NCKAP5: variants seen among roughly 807,000 people sequenced by gnomAD.
The protein encoded by NCKAP5 is nck-associated protein 5.
A neutral mutation model predicts 167.0 loss-of-function variants in NCKAP5; 92 were observed. The observed-to-expected ratio is 0.55, with a 90% CI of 0.47 to 0.66. The LOEUF is 0.66. Among genes scored for constraint, NCKAP5 ranks in the 30% least tolerant of loss-of-function variants. NCKAP5 has a pLI of 0.00. For missense variants in NCKAP5, 2,378 were observed against 2,315.0 expected (o/e 1.03, Z -0.56); for synonymous variants, 891 against 877.4 (o/e 1.02, Z -0.27).
chr2:132,699,770 A>T (rs2105228049), intron 19 of NCKAP5, among the ~76,000 whole-genome samples: 1 of 152,312 alleles, frequency 6.6e-6, no homozygotes, highest in East Asian at 1.9e-4. Context: ...TGCTATTGTG[A>T]ATAGTGTCGC....
chr2:132,956,946 C>G (rs1558987880), intron 8 of NCKAP5, among the ~76,000 whole-genome samples: 2 of 152,124 alleles, frequency 1.3e-5, no homozygotes, highest in Non-Finnish European at 2.9e-5. Context: ...TGCCAGACCT[C>G]GAAAAATGGG....
intron 19 of NCKAP5, among the ~76,000 whole-genome samples, chr2:132,697,399 T>C (rs1687444306): frequency 6.6e-6 from 1 of 152,250 alleles, no homozygotes; most frequent in Admixed American, 6.5e-5. Context: ...ATCATCTTTG[T>C]CATTCTTCAC....
chr2:133,274,472 A>C (rs2089648189), intron 4 of NCKAP5, among the ~76,000 whole-genome samples: 1 of 152,044 alleles, frequency 6.6e-6, no homozygotes, highest in Admixed American at 6.6e-5. Context: ...TTATCAACCA[A>C]AATCTCAGCA....
chr2:133,646,068 ATG>A, the NCKAP5 span, among the ~76,000 whole-genome samples: 16 of 151,866 alleles, frequency 1.1e-4, no homozygotes, highest in African/African-American at 3.6e-4. Flanking sequence ...GTGTCTATGT[ATG>A]TGTGTGTGTC....
At chr2:132,903,632 T>G (rs1231526139) in intron 8 of NCKAP5, among the ~76,000 whole-genome samples, 1 of 152,204 alleles carries the variant, frequency 6.6e-6, no homozygotes, top group Non-Finnish European at 1.5e-5. Context: ...ACATCTATTA[T>G]TTTCATGTCA....
intron 2 of NCKAP5, among the ~76,000 whole-genome samples, chr2:133,531,922 G>C (rs1047361490): frequency 6.6e-5 from 10 of 152,166 alleles, no homozygotes; most frequent in Non-Finnish European, 1.3e-4. Context: ...TGTAGATGTA[G>C]TTGTAGCCCC....
chr2:133,598,092 T>C, the NCKAP5 span, among the ~76,000 whole-genome samples: 3 of 152,204 alleles, frequency 2.0e-5, no homozygotes, highest in East Asian at 5.8e-4. Context: ...TACATGCTGG[T>C]TATCCTCAAG....
the NCKAP5 span, among the ~76,000 whole-genome samples, chr2:133,575,705 G>A: frequency 1.1e-4 from 17 of 152,262 alleles, no homozygotes; most frequent in South Asian, 2.5e-3. Flanking sequence ...CCTGGGTAAC[G>A]TCCTACAGCC....
rs768140879 is a variant in NCKAP5 at position 132,994,245 on chromosome 2, A to G, written c.342-6T>C. 1.9e-6 allele frequency: 3 copies of G among 1,557,212 alleles called. No homozygotes were observed. The highest frequency in any genetic ancestry group is 4.6e-5 in the East Asian group (2 of 43,384). ...TTCGTACTGTTTCTTCCATCCTGAG[A>G]AACAAAAATATTAAGAATTTCTTAA... On this transcript the variant is annotated splice_region_variant and splice_polypyrimidine_tract_variant and intron_variant, in intron 6 of 19. Coordinates refer to ENST00000409261, the MANE Select transcript of NCKAP5 (RefSeq NM_207363.3).
At chr2:132,723,894 T>C (rs1446169957) in intron 19 of NCKAP5, among the ~76,000 whole-genome samples, 1 of 152,230 alleles carries the variant, frequency 6.6e-6, no homozygotes, top group Non-Finnish European at 1.5e-5. Flanking sequence ...ATGCCACTCC[T>C]GGGCTTTAAG....
At chr2:132,986,487 G>T (rs1161665654) in intron 7 of NCKAP5, among the ~76,000 whole-genome samples, 2 of 152,100 alleles carry the variant, frequency 1.3e-5, no homozygotes, top group Non-Finnish European at 2.9e-5. Context: ...AGTCCCTCAG[G>T]TGATTCTGAT....
At chr2:133,647,718 A>AAGGG in the NCKAP5 span, among the ~76,000 whole-genome samples, 1 of 134,242 alleles carries the variant, frequency 7.4e-6, no homozygotes, top group Non-Finnish European at 1.6e-5. Flanking sequence ...AAAAGAAAGG[A>AAGGG]AGGAAGGAAG....
At chr2:132,787,126 G>T (rs535845906) in intron 13 of NCKAP5, among the ~76,000 whole-genome samples, 1 of 152,204 alleles carries the variant, frequency 6.6e-6, no homozygotes, top group South Asian at 2.1e-4. Flanking sequence ...AAGGCAGGTG[G>T]ATCAAAAGGT....
At chr2:132,753,820 G>A (rs1002969061) in intron 16 of NCKAP5, among the ~76,000 whole-genome samples, 3 of 152,190 alleles carry the variant, frequency 2.0e-5, no homozygotes, top group African/African-American at 7.2e-5. Flanking sequence ...GGCACTGTGG[G>A]TGACCCATCC....
At chr2:133,627,616 T>C in the NCKAP5 span, among the ~76,000 whole-genome samples, 2 of 152,034 alleles carry the variant, frequency 1.3e-5, 1 homozygote, top group African/African-American at 4.8e-5. Flanking sequence ...TCCACAAAAA[T>C]ACAAAAATTA....
At chr2:133,498,480 A>AGGCAGGC (rs1682162161) in intron 3 of NCKAP5, among the ~76,000 whole-genome samples, 32 of 101,804 alleles carry the variant, frequency 3.1e-4, no homozygotes, top group African/African-American at 1.5e-3. Context: ...GGAAGGAAGG[A>AGGCAGGC]AGGCAGGCAG....
intron 3 of NCKAP5, among the ~76,000 whole-genome samples, chr2:133,371,364 T>A (rs1685793806): frequency 6.6e-6 from 1 of 152,156 alleles, no homozygotes. Flanking sequence ...TGTAGTTAAA[T>A]CCCTAGGCAA....
chr2:133,616,512 T>C, the NCKAP5 span, among the ~76,000 whole-genome samples: 5 of 151,302 alleles, frequency 3.3e-5, no homozygotes, highest in African/African-American at 1.2e-4. Flanking sequence ...CATCAGAGAA[T>C]ACTACCAACA....
chr2:133,093,381 G>A (rs1376456747), intron 6 of NCKAP5, among the ~76,000 whole-genome samples: 1 of 152,124 alleles, frequency 6.6e-6, no homozygotes, highest in African/African-American at 2.4e-5. Context: ...TTTTAAAACA[G>A]CAGTGCCTGA....
Sources: allele counts gnomAD v4.1 joint callset (sites outside exome capture counted in the v4.1 genomes callset), GRCh38; gene constraint gnomAD v4.1.1; transcripts MANE v1.5; gene names NCBI Gene and HGNC (gene_info 2026-07-23, HGNC 2026-07-21).